Variants in PATJ observed in about 807,000 individuals in gnomAD.
PATJ encodes inaD-like protein.
A neutral mutation model predicts 224.9 loss-of-function variants in PATJ; 190 were observed. That is an observed-to-expected ratio of 0.84 (90% CI 0.75 to 0.95). The LOEUF is 0.95. Ranked by LOEUF, PATJ falls within the 40% of genes least tolerant of loss-of-function variation. PATJ has a pLI of 0.00. For missense variants in PATJ, 2,121 were observed against 2,270.3 expected, an observed-to-expected ratio of 0.93 and a Z score of 1.34; for synonymous variants, 769 against 820.3, an observed-to-expected ratio of 0.94 and a Z score of 1.07.
chr1:62,056,599 G>T (rs1654583746), intron 31 of PATJ, among the ~76,000 whole-genome samples: 1 of 152,084 alleles, frequency 6.6e-6, no homozygotes, highest in Admixed American at 6.6e-5. Flanking sequence ...TGGCCAACAT[G>T]GCGAAACCCC....
chr1:62,128,264 C>A, intron 40 of PATJ, 170 bp downstream of exon 40: 1 of 593,062 alleles, frequency 1.7e-6, no homozygotes. Flanking sequence ...ATTAGGTCCC[C>A]AGGCACATAA....
At chr1:61,939,734 G>A (rs545691276) in intron 27 of PATJ, among the ~76,000 whole-genome samples, 1 of 134,898 alleles carries the variant, frequency 7.4e-6, no homozygotes, top group East Asian at 2.1e-4. Flanking sequence ...GACTGCAGTG[G>A]TGTGATCTCG....
intron 28 of PATJ, among the ~76,000 whole-genome samples, chr1:61,990,834 A>G (rs1645019650): frequency 6.6e-6 from 1 of 152,202 alleles, no homozygotes; most frequent in African/African-American, 2.4e-5. Flanking sequence ...AGTTCAGGAT[A>G]TGGGTAAGGC....
chr1:61,791,436 C>T lies in PATJ; in HGVS notation c.1157C>T (p.Thr386Ile), dbSNP rs759547731. The T allele has an allele frequency of 6.4e-7, 1 of 1,572,120 alleles. No individual in the cohort carries two copies. Among genetic ancestry groups the T allele is most frequent in the Non-Finnish European group, 8.8e-7 (1 of 1,142,126 alleles). ...LGIRIVGYVG[T>I]SHTGEASGIY... ...ATTAGAATTGTTGGCTATGTTGGAA[C>T]ATCTCATACAGGTAAATGAATCATT... The change falls in exon 9 of 44, where the codon ACA becomes ATA. Residue 386 changes from threonine (T) to isoleucine (I), a missense_variant. Coordinates refer to ENST00000642238, the MANE Select transcript of PATJ (RefSeq NM_001350145.3).
chr1:61,745,310 C>T lies in PATJ; in HGVS notation c.-36+2755C>T, dbSNP rs139197128. ...TTTATTTTGAGACAGAGTCTTGCTC[C>T]GCTGCCCAGGCTGGAGTGCAGTGGG... On this transcript the variant is annotated intron_variant, in intron 1 of 43. Transcript: ENST00000642238. Among the ~76,000 whole-genome samples the T allele has an allele frequency of 9.0e-3, 1,371 of 151,890 alleles. 21 individuals are homozygous for T. The highest frequency in any genetic ancestry group is 0.032 in the African/African-American group (1,309 of 41,420).
At chr1:61,834,916 A>G (rs1483426119) in intron 17 of PATJ, among the ~76,000 whole-genome samples, 2 of 152,022 alleles carry the variant, frequency 1.3e-5, no homozygotes, top group South Asian at 2.1e-4. Flanking sequence ...TTTAGTAGAG[A>G]TGGGTTTTCA....
intron 20 of PATJ, among the ~76,000 whole-genome samples, chr1:61,869,170 C>G (rs28717073): frequency 0.32 from 42,298 of 130,382 alleles, 7,111 homozygotes; most frequent in African/African-American, 0.49. Flanking sequence ...GCAGTGGCGC[C>G]ATCTCGGCTC....
chr1:62,126,954 G>A (rs1665780265), intron 39 of PATJ, among the ~76,000 whole-genome samples: 2 of 152,164 alleles, frequency 1.3e-5, no homozygotes, highest in African/African-American at 2.4e-5. Flanking sequence ...TGTCAGGTAT[G>A]TAGTATTCTT....
intron 22 of PATJ, among the ~76,000 whole-genome samples, chr1:61,885,459 A>C (rs1472649699): frequency 6.6e-6 from 1 of 152,138 alleles, no homozygotes; most frequent in East Asian, 1.9e-4. Context: ...GAGAAATGCA[A>C]ATCAAAACCA....
At chr1:61,904,070 G>A (rs571951715) in intron 24 of PATJ, among the ~76,000 whole-genome samples, 17 of 152,004 alleles carry the variant, frequency 1.1e-4, no homozygotes, top group South Asian at 8.3e-4. Flanking sequence ...CATTGCGCCC[G>A]GACAGTACTT....
At chr1:61,933,829 C>A (rs1401935471) in intron 27 of PATJ, among the ~76,000 whole-genome samples, 1 of 152,214 alleles carries the variant, frequency 6.6e-6, no homozygotes, top group East Asian at 1.9e-4. Flanking sequence ...ATCCCCCAAC[C>A]CTAAAATGAA....
Position 62,121,163 on chromosome 1 carries a change from C to T in PATJ, c.4891-18C>T, listed in dbSNP as rs771662882. On this transcript the variant is annotated intron_variant, in intron 37 of 43. Coordinates refer to ENST00000642238, the MANE Select transcript of PATJ (RefSeq NM_001350145.3). ...AGTCAGTGTCTGCACACAGGTGACC[C>T]CTGGGTCTTTCTTTCAGGGTAGTCA... The T allele has an allele frequency of 6.4e-7, 1 of 1,565,028 alleles. No individual in the cohort carries two copies. Among genetic ancestry groups the T allele is most frequent in the East Asian group, 2.2e-5 (1 of 44,512 alleles).
At chr1:62,030,657 C>T (rs1649071513) in intron 29 of PATJ, among the ~76,000 whole-genome samples, 2 of 152,202 alleles carry the variant, frequency 1.3e-5, no homozygotes, top group Non-Finnish European at 2.9e-5. Flanking sequence ...CAAAAGATTG[C>T]TGGTGTCCCT....
At chr1:62,062,771 A>G (rs1448529599) in intron 31 of PATJ, among the ~76,000 whole-genome samples, 3 of 152,096 alleles carry the variant, frequency 2.0e-5, no homozygotes, top group African/African-American at 7.2e-5. Flanking sequence ...TGCAGAGATG[A>G]CAGGCATGAG....
chr1:61,831,937 A>G (rs1288181061), intron 16 of PATJ, among the ~76,000 whole-genome samples: 1 of 152,266 alleles, frequency 6.6e-6, no homozygotes, highest in Non-Finnish European at 1.5e-5. Flanking sequence ...ATGCCCATCA[A>G]CAGTGGACTA....
chr1:61,833,921 A>G, intron 17 of PATJ, 136 bp downstream of exon 17: 2 of 667,632 alleles, frequency 3.0e-6, no homozygotes, highest in South Asian at 2.5e-5. Context: ...TACTACTTTC[A>G]ATTGTTACCT....
At chr1:61,817,321 A>G (rs1656310567) in intron 14 of PATJ, among the ~76,000 whole-genome samples, 1 of 152,222 alleles carries the variant, frequency 6.6e-6, no homozygotes, top group Admixed American at 6.5e-5. Context: ...TCAATTTACT[A>G]CTGTATAACA....
chr1:62,106,845 C>G (rs1663119575), intron 33 of PATJ, among the ~76,000 whole-genome samples: 3 of 152,118 alleles, frequency 2.0e-5, no homozygotes, highest in Admixed American at 1.3e-4. Context: ...GTGTCAGCCT[C>G]TAGGCTCTGA....
At chr1:62,004,789 G>C (rs770539516) in intron 28 of PATJ, among the ~76,000 whole-genome samples, 11 of 152,172 alleles carry the variant, frequency 7.2e-5, no homozygotes, top group Non-Finnish European at 1.5e-4. Context: ...AAAACAAACT[G>C]AAAATCACCT....
Sources: allele counts gnomAD v4.1 joint callset (sites outside exome capture counted in the v4.1 genomes callset), GRCh38; gene constraint gnomAD v4.1.1; transcripts MANE v1.5; gene names NCBI Gene and HGNC (gene_info 2026-07-23, HGNC 2026-07-21).